The following PTPRD variants were observed in gnomAD, a reference collection of about 807,000 sequenced individuals.
The protein encoded by PTPRD is protein tyrosine phosphatase receptor type D.
PTPRD carries 34 observed loss-of-function variants against 214.5 expected under a neutral mutation model. The ratio of observed to expected loss-of-function variants is 0.16; its 90% CI spans 0.12 to 0.21. PTPRD has a LOEUF of 0.21. Among genes scored for constraint, PTPRD ranks in the 10% least tolerant of loss-of-function variants. The pLI is 1.00. For missense variants in PTPRD, 2,545 were observed against 2,398.7 expected (o/e 1.06, Z -1.27); for synonymous variants, 1,128 against 845.7 (o/e 1.33, Z -5.79).
intron 32 of PTPRD, among the ~76,000 whole-genome samples, chr9:8,463,111 A>G (rs2134307951): frequency 6.6e-6 from 1 of 151,904 alleles, no homozygotes; most frequent in Admixed American, 6.6e-5. Flanking sequence ...AGTTTATGGC[A>G]TCTATTCTGA....
chr9:10,385,146 G>GT lies in PTPRD; in HGVS notation c.-599-44130dup, dbSNP rs200671194. ...TCAAAGCTAACCACAAATACTACTT[G>GT]TTTTTTTTCCAAAAAGTTTATTACT... On this transcript the variant is annotated intron_variant, in intron 2 of 45. Transcript: ENST00000381196. Among the ~76,000 whole-genome samples, 79 of 151,404 alleles carry GT rather than the reference G, an allele frequency of 5.2e-4. 1 individual carries two copies. In the East Asian group the frequency reaches 0.011, roughly 21 times the overall value.
chr9:10,126,224 C>A (rs2098818074), intron 3 of PTPRD, among the ~76,000 whole-genome samples: 1 of 152,114 alleles, frequency 6.6e-6, no homozygotes, highest in Non-Finnish European at 1.5e-5. Flanking sequence ...TCCTGACCCC[C>A]TTCTCTACTT....
chr9:9,404,016 C>G (rs938018172), intron 8 of PTPRD, among the ~76,000 whole-genome samples: 4 of 151,884 alleles, frequency 2.6e-5, no homozygotes, highest in Non-Finnish European at 1.5e-5. Flanking sequence ...TGTAAAGGAA[C>G]AGTTAGTACA....
At chr9:10,454,810 TACACAC>T (rs111248967) in intron 2 of PTPRD, among the ~76,000 whole-genome samples, 1 of 150,058 alleles carries the variant, frequency 6.7e-6, no homozygotes, top group African/African-American at 2.4e-5. Flanking sequence ...TAAAAATGTT[TACACAC>T]ACACACACAC....
intron 35 of PTPRD, among the ~76,000 whole-genome samples, chr9:8,422,994 T>C (rs1590018357): frequency 6.6e-6 from 1 of 152,188 alleles, no homozygotes; most frequent in Admixed American, 6.6e-5. Context: ...CACTCCTGAG[T>C]TGTAGAACGG....
intron 3 of PTPRD, among the ~76,000 whole-genome samples, chr9:10,088,213 A>G (rs1238429744): frequency 1.3e-5 from 2 of 151,796 alleles, no homozygotes; most frequent in Admixed American, 6.6e-5. Flanking sequence ...ATGACAATCC[A>G]CAAAATGAAC....
intron 11 of PTPRD, among the ~76,000 whole-genome samples, chr9:8,749,398 G>A (rs927537093): frequency 1.3e-5 from 2 of 152,178 alleles, no homozygotes; most frequent in African/African-American, 4.8e-5. Flanking sequence ...ACATTGGCCA[G>A]GCTGGTCTCA....
rs550350613 is a variant in PTPRD, at chr9:9,060,504, A to C, written c.-142-41769T>G. On this transcript the variant is annotated intron_variant, in intron 10 of 45. Coordinates refer to ENST00000381196, the MANE Select transcript of PTPRD (RefSeq NM_002839.4). Reference sequence around the variant, plus strand: ...TAAAAAATTAGATTAATTTAAAATGATACTAATTATGTTGTAGTAATATGA... The same window carrying C: ...TAAAAAATTAGATTAATTTAAAATGCTACTAATTATGTTGTAGTAATATGA... Among the ~76,000 whole-genome samples the C allele has an allele frequency of 2.0e-5, 3 of 152,278 alleles. No homozygotes were observed. The South Asian group carries it at 6.2e-4, about 32-fold the overall frequency.
chr9:9,199,862 A>T (rs1047422010), intron 9 of PTPRD, among the ~76,000 whole-genome samples: 3 of 152,188 alleles, frequency 2.0e-5, no homozygotes, highest in African/African-American at 7.2e-5. Flanking sequence ...CCCTGCTGTG[A>T]TTACTGGACT....
intron 9 of PTPRD, among the ~76,000 whole-genome samples, chr9:9,248,741 T>C (rs946025932): frequency 1.3e-5 from 2 of 152,062 alleles, no homozygotes; most frequent in Non-Finnish European, 2.9e-5. Context: ...TTATCATCTT[T>C]AAAAGGCAAG....
chr9:10,582,386 A>G (rs2072225344), intron 2 of PTPRD, among the ~76,000 whole-genome samples: 1 of 152,236 alleles, frequency 6.6e-6, no homozygotes, highest in South Asian at 2.1e-4. Context: ...AAAATGTGAA[A>G]TCAAAGTTAT....
chr9:9,457,385 A>G (rs2093160608), intron 8 of PTPRD, among the ~76,000 whole-genome samples: 1 of 151,970 alleles, frequency 6.6e-6, no homozygotes, highest in African/African-American at 2.4e-5. Context: ...TATAATTCCT[A>G]TTTGACTAAG....
At chr9:8,520,081 T>A (rs1446968639) in intron 20 of PTPRD, among the ~76,000 whole-genome samples, 2 of 152,194 alleles carry the variant, frequency 1.3e-5, no homozygotes, top group African/African-American at 4.8e-5. Flanking sequence ...GTGCTCCAGA[T>A]TTCCCCTACA....
At chr9:9,523,061 G>A (rs1013095149) in intron 8 of PTPRD, among the ~76,000 whole-genome samples, 1 of 152,034 alleles carries the variant, frequency 6.6e-6, no homozygotes, top group African/African-American at 2.4e-5. Context: ...ATTTATTTAT[G>A]TTGTTAAAAA....
At chr9:10,288,809 CT>C (rs5896382) in intron 3 of PTPRD, among the ~76,000 whole-genome samples, 43,239 of 151,696 alleles carry the variant, frequency 0.29, 7,356 homozygotes, top group African/African-American at 0.46. Context: ...AAATTAAAAA[CT>C]TTTTTTCTGC....
chr9:9,968,815 GAGAAAGGAA>G (rs2094893377), intron 4 of PTPRD, among the ~76,000 whole-genome samples: 1 of 152,220 alleles, frequency 6.6e-6, no homozygotes, highest in South Asian at 2.1e-4. Context: ...ATTAGAGAAC[GAGAAAGGAA>G]AGAAAACTTA....
chr9:10,604,658 G>A (rs905322688), intron 2 of PTPRD, among the ~76,000 whole-genome samples: 5 of 151,730 alleles, frequency 3.3e-5, no homozygotes, highest in African/African-American at 1.2e-4. Flanking sequence ...CAAATGGCTA[G>A]CACATATGAC....
chr9:9,110,824 T>A (rs1356435454), intron 10 of PTPRD, among the ~76,000 whole-genome samples: 1 of 152,156 alleles, frequency 6.6e-6, no homozygotes, highest in Admixed American at 6.6e-5. Context: ...TTATGCCTGT[T>A]TTTGTAAATA....
At chr9:9,236,496 C>T (rs981703052) in intron 9 of PTPRD, among the ~76,000 whole-genome samples, 32 of 151,832 alleles carry the variant, frequency 2.1e-4, no homozygotes, top group Non-Finnish European at 3.8e-4. Context: ...CTCTCAACTT[C>T]CTGGGAGTCC....
Sources: allele counts gnomAD v4.1 joint callset (sites outside exome capture counted in the v4.1 genomes callset), GRCh38; gene constraint gnomAD v4.1.1; transcripts MANE v1.5; gene names NCBI Gene and HGNC (gene_info 2026-07-23, HGNC 2026-07-21).